Variants in HS3ST4 observed in about 807,000 individuals in gnomAD.
HS3ST4 encodes heparan sulfate glucosamine 3-O-sulfotransferase 4.
A neutral mutation model predicts 29.2 loss-of-function variants in HS3ST4; 17 were observed. That is an observed-to-expected ratio of 0.58 (90% confidence interval 0.40 to 0.87). HS3ST4 has a LOEUF of 0.87. Among genes scored for constraint, HS3ST4 ranks in the 40% least tolerant of loss-of-function variants. The pLI is 0.00. For synonymous variants in HS3ST4, 314 were observed against 285.7 expected, an observed-to-expected ratio of 1.10 and a Z score of -1.00; for missense variants, 627 against 634.5, an observed-to-expected ratio of 0.99 and a Z score of 0.13.
chr16:26,036,166 TGGA>T (rs1261498961), intron 1 of HS3ST4, among the ~76,000 whole-genome samples: 1 of 152,204 alleles, frequency 6.6e-6, no homozygotes, highest in Admixed American at 6.5e-5. Flanking sequence ...TACAACTAAG[TGGA>T]ATCAGGACAT....
intron 1 of HS3ST4, among the ~76,000 whole-genome samples, chr16:25,915,297 T>C (rs73515392): frequency 0.038 from 5,803 of 152,280 alleles, 368 homozygotes; most frequent in African/African-American, 0.13. Flanking sequence ...ATCTGCTTGC[T>C]GTCTCTCTGA....
chr16:25,800,482 T>A (rs1200408344), intron 1 of HS3ST4, among the ~76,000 whole-genome samples: 3 of 152,126 alleles, frequency 2.0e-5, no homozygotes, highest in African/African-American at 7.2e-5. Context: ...ACTTTTTTCT[T>A]TGTTATTAAC....
intron 1 of HS3ST4, among the ~76,000 whole-genome samples, chr16:25,725,327 G>A (rs750650696): frequency 3.6e-4 from 55 of 152,000 alleles, no homozygotes; most frequent in South Asian, 4.2e-4. Context: ...AACCATATCC[G>A]AAAAATAGCC....
intron 1 of HS3ST4, among the ~76,000 whole-genome samples, chr16:25,894,406 G>A (rs1223871808): frequency 6.6e-6 from 1 of 152,158 alleles, no homozygotes; most frequent in African/African-American, 2.4e-5. Flanking sequence ...TCCGAAAGCA[G>A]AGTGGGAAGT....
chr16:25,811,202 C>T (rs1163915226), intron 1 of HS3ST4, among the ~76,000 whole-genome samples: 2 of 151,812 alleles, frequency 1.3e-5, no homozygotes, highest in Non-Finnish European at 2.9e-5. Flanking sequence ...CAATAAAACA[C>T]CTGCCTTTCC....
At chr16:25,920,374 C>T (rs986918245) in intron 1 of HS3ST4, among the ~76,000 whole-genome samples, 9 of 152,120 alleles carry the variant, frequency 5.9e-5, no homozygotes, top group African/African-American at 2.2e-4. Context: ...CCCTACGGGG[C>T]CCTCCATGAT....
At chr16:25,804,813 C>G (rs886940522) in intron 1 of HS3ST4, among the ~76,000 whole-genome samples, 7 of 152,108 alleles carry the variant, frequency 4.6e-5, no homozygotes, top group Non-Finnish European at 7.4e-5. Flanking sequence ...CCTTGTAAGA[C>G]TATTGTATGA....
At chr16:25,762,271 C>G (rs778890198) in intron 1 of HS3ST4, among the ~76,000 whole-genome samples, 1 of 152,152 alleles carries the variant, frequency 6.6e-6, no homozygotes, top group Non-Finnish European at 1.5e-5. Flanking sequence ...GACTGAGACA[C>G]CCAGGTACTT....
intron 1 of HS3ST4, among the ~76,000 whole-genome samples, chr16:25,706,887 T>G (rs1471217787): frequency 6.6e-6 from 1 of 152,260 alleles, no homozygotes; most frequent in Non-Finnish European, 1.5e-5. Flanking sequence ...TTCTGAGGTT[T>G]CAGTTACCCA....
At chr16:25,970,133 AGCAGGT>A (rs1250782908) in intron 1 of HS3ST4, among the ~76,000 whole-genome samples, 2 of 152,272 alleles carry the variant, frequency 1.3e-5, no homozygotes, top group African/African-American at 4.8e-5. Flanking sequence ...TCATTTATAC[AGCAGGT>A]GCGAATGCAA....
At chr16:26,055,054 A>C (rs1418130400) in intron 1 of HS3ST4, among the ~76,000 whole-genome samples, 3 of 151,614 alleles carry the variant, frequency 2.0e-5, no homozygotes, top group African/African-American at 7.3e-5. Context: ...ATTCAGAGCT[A>C]CCCAGCACCG....
chr16:26,006,803 A>G (rs556154609), intron 1 of HS3ST4, among the ~76,000 whole-genome samples: 2 of 152,344 alleles, frequency 1.3e-5, no homozygotes, highest in African/African-American at 4.8e-5. Flanking sequence ...TTATATCTAC[A>G]CCTTGGCAGA....
intron 1 of HS3ST4, among the ~76,000 whole-genome samples, chr16:26,100,075 A>G (rs1257033004): frequency 6.6e-6 from 1 of 152,122 alleles, no homozygotes; most frequent in East Asian, 1.9e-4. Flanking sequence ...AGTGTTAGGT[A>G]TGAAAAGCTG....
chr16:26,004,550 C>T (rs540629869), intron 1 of HS3ST4, among the ~76,000 whole-genome samples: 1 of 152,266 alleles, frequency 6.6e-6, no homozygotes, highest in East Asian at 1.9e-4. Context: ...ATGGACGTTT[C>T]TAGAAGCAAG....
chr16:26,030,635 A>T (rs757802897), intron 1 of HS3ST4, among the ~76,000 whole-genome samples: 1 of 152,174 alleles, frequency 6.6e-6, no homozygotes, highest in Non-Finnish European at 1.5e-5. Flanking sequence ...CTGGCTATAC[A>T]TACCTAGGCA....
chr16:26,083,489 TC>T (rs1309806098), intron 1 of HS3ST4, among the ~76,000 whole-genome samples: 1 of 152,204 alleles, frequency 6.6e-6, no homozygotes, highest in Non-Finnish European at 1.5e-5. Context: ...AATTTTTTTT[TC>T]CATAAAGGGC....
chr16:25,906,844 C>T (rs1013125064), intron 1 of HS3ST4, among the ~76,000 whole-genome samples: 1 of 151,944 alleles, frequency 6.6e-6, no homozygotes, highest in African/African-American at 2.4e-5. Context: ...AATAAACTGC[C>T]AACAATTTTA....
intron 1 of HS3ST4, among the ~76,000 whole-genome samples, chr16:26,074,816 A>G (rs1032193386): frequency 6.6e-6 from 1 of 152,182 alleles, no homozygotes; most frequent in Non-Finnish European, 1.5e-5. Flanking sequence ...GTGAATGCAC[A>G]TGCCCCGACT....
chr16:25,946,797 G>A (rs760237328), intron 1 of HS3ST4, among the ~76,000 whole-genome samples: 3 of 152,128 alleles, frequency 2.0e-5, no homozygotes, highest in Admixed American at 6.5e-5. Flanking sequence ...CAATGCAAGT[G>A]AGAGGTAAGT....
Sources: allele counts gnomAD v4.1 joint callset (sites outside exome capture counted in the v4.1 genomes callset), GRCh38; gene constraint gnomAD v4.1.1; transcripts MANE v1.5; gene names NCBI Gene and HGNC (gene_info 2026-07-23, HGNC 2026-07-21).